Variants in FOCAD observed in about 807,000 individuals in gnomAD.
FOCAD encodes KIAA1797.
Under a neutral mutation model 225.6 loss-of-function variants are expected in FOCAD, and 198 were observed. The ratio of observed to expected loss-of-function variants is 0.88; its 90% confidence interval spans 0.78 to 0.99. The LOEUF (loss-of-function observed/expected upper bound fraction) is 0.99, where lower values mean the gene tolerates loss of function less well. FOCAD is among the 50% of genes least tolerant of loss of function. The pLI is 0.00. For synonymous variants in FOCAD, 897 were observed against 755.0 expected (o/e 1.19, Z -3.08); for missense variants, 2,713 against 2,123.6 (o/e 1.28, Z -5.46).
chr9:20,655,699 C>G (rs1435505949), upstream of FOCAD, among the ~76,000 whole-genome samples: 1 of 152,132 alleles, frequency 6.6e-6, no homozygotes, highest in Non-Finnish European at 1.5e-5. Flanking sequence ...AGCGGTCTAT[C>G]AATTTTGTTG....
chr9:20,769,678 G>C (rs1817989502), intron 7 of FOCAD, among the ~76,000 whole-genome samples: 1 of 152,224 alleles, frequency 6.6e-6, no homozygotes, highest in South Asian at 2.1e-4. Context: ...TTGTAGAAAT[G>C]AGAGTTCATT....
At chr9:20,659,445 A>G (rs1821644600) in intron 2 of FOCAD, among the ~76,000 whole-genome samples, 2 of 148,200 alleles carry the variant, frequency 1.3e-5, no homozygotes, top group South Asian at 2.2e-4. Flanking sequence ...AAAGAAAGAC[A>G]GACAGACAGA....
At chr9:20,984,812 T>A (rs1052117427) in intron 39 of FOCAD, among the ~76,000 whole-genome samples, 1 of 152,174 alleles carries the variant, frequency 6.6e-6, no homozygotes, top group Non-Finnish European at 1.5e-5. Flanking sequence ...TTAAAAAAAA[T>A]ATTTTTTAGA....
At chr9:20,848,680 G>A (rs528707836) in intron 15 of FOCAD, among the ~76,000 whole-genome samples, 2 of 152,020 alleles carry the variant, frequency 1.3e-5, no homozygotes, top group South Asian at 4.1e-4. Flanking sequence ...GTTAACCACG[G>A]TGTATGTATA....
At chr9:20,848,061 T>C (rs1827290500) in intron 15 of FOCAD, among the ~76,000 whole-genome samples, 2 of 152,052 alleles carry the variant, frequency 1.3e-5, no homozygotes, top group African/African-American at 4.8e-5. Context: ...TCTGAAGGTT[T>C]GCCGAAAATC....
intron 29 of FOCAD, 37 bp downstream of exon 29, chr9:20,944,811 C>G (rs960277914): frequency 2.5e-6 from 4 of 1,573,390 alleles, no homozygotes; most frequent in African/African-American, 2.7e-5. Context: ...CCCCTCTGCT[C>G]TCTTTTGTTT....
chr9:20,927,468 A>T (rs982229751), intron 26 of FOCAD, among the ~76,000 whole-genome samples: 1 of 152,056 alleles, frequency 6.6e-6, no homozygotes, highest in African/African-American at 2.4e-5. Flanking sequence ...AATATACTTT[A>T]TGTAAAAAGT....
At chr9:20,793,988 C>T (rs1820807169) in intron 11 of FOCAD, among the ~76,000 whole-genome samples, 1 of 152,210 alleles carries the variant, frequency 6.6e-6, no homozygotes, top group Admixed American at 6.5e-5. Flanking sequence ...GTTGACATGT[C>T]TCATCATTCT....
In FOCAD at chr9:20,781,859, C is replaced by G. The variant is rs758866491; in HGVS notation, c.1127C>G (p.Ser376Cys). Residue 376 changes from serine to cysteine, a missense_variant, in exon 10 of 44, where the codon TCT (serine) becomes TGT (cysteine). Physicochemically the swap from Ser to Cys is moderately radical, Grantham distance 112 (BLOSUM62 -1). Transcript: ENST00000338382. ...ATATCTGTGGATGAAGAAGGTCCCT[C>G]TAGGCAGCAGTTGGCTCTAAACCTT... is the stretch of plus-strand genomic sequence containing the variant. ...DCISVDEEGP[S>C]RQQLALNLLE... 1.2e-6 allele frequency: 2 copies of G among 1,614,096 alleles called. No homozygotes were observed. Among genetic ancestry groups the G allele is most frequent in the Non-Finnish European group, 1.7e-6 (2 of 1,179,982 alleles).
Position 20,731,240 on chromosome 9 carries a change from A to AAACAACAACAACAAC in FOCAD, c.288-8966_288-8952dup, listed in dbSNP as rs146322610. Among the ~76,000 whole-genome samples, 4 of 150,410 alleles carry AAACAACAACAACAAC rather than the reference A, an allele frequency of 2.7e-5. No individual in the cohort carries two copies. In the East Asian group the frequency reaches 5.9e-4, roughly 22 times the overall value. On this transcript the variant is annotated intron_variant, in intron 4 of 43. Coordinates refer to ENST00000338382, the MANE Select transcript of FOCAD (RefSeq NM_001375567.1). ...GTGACACAGCGAGACTTTGTCTCCA[A>AAACAACAACAACAAC]AACAACAACAACAACAACAACAACA... is the stretch of plus-strand genomic sequence containing the variant.
At chr9:20,661,602 C>G (rs1440685580) in intron 2 of FOCAD, among the ~76,000 whole-genome samples, 1 of 152,156 alleles carries the variant, frequency 6.6e-6, no homozygotes, top group African/African-American at 2.4e-5. Context: ...CTCACTATCT[C>G]TCTTCCTACT....
In FOCAD at chr9:20,783,583, A is replaced by AT. The variant is rs11355264; in HGVS notation, c.1197+1669dup. On this transcript the variant is annotated intron_variant, in intron 10 of 43. Coordinates refer to ENST00000338382, the MANE Select transcript of FOCAD (RefSeq NM_001375567.1). ...TGAGTCAAGATTATTTGACTATTGG[A>AT]TTTTTTTTTTTTTTTGAGACGGAGT... 2.2e-3 allele frequency among the ~76,000 whole-genome samples: 319 copies of AT among 143,642 alleles called. 1 individual carries two copies. Among genetic ancestry groups the AT allele is most frequent in the East Asian group, 6.9e-3 (34 of 4,944 alleles). 94.2% of individuals were successfully genotyped at this position (143,642 alleles called of 152,430 possible).
At chr9:20,847,737 C>A (rs1239651412) in intron 15 of FOCAD, among the ~76,000 whole-genome samples, 1 of 151,876 alleles carries the variant, frequency 6.6e-6, no homozygotes, top group African/African-American at 2.4e-5. Flanking sequence ...TTCCAAGTTT[C>A]CCTGTAAAAC....
chr9:20,864,967 A>G (rs1018780693), intron 16 of FOCAD, among the ~76,000 whole-genome samples: 2 of 152,108 alleles, frequency 1.3e-5, no homozygotes, highest in South Asian at 2.1e-4. Flanking sequence ...AGTATCTGCT[A>G]TGTTCTAGGC....
At chr9:20,754,853 G>C (rs1306168470) in intron 5 of FOCAD, among the ~76,000 whole-genome samples, 1 of 152,014 alleles carries the variant, frequency 6.6e-6, no homozygotes, top group Non-Finnish European at 1.5e-5. Context: ...CTCATGCATG[G>C]GCAGTTGTGC....
chr9:20,859,737 T>C (rs1451790331), intron 15 of FOCAD, among the ~76,000 whole-genome samples: 1 of 148,164 alleles, frequency 6.7e-6, no homozygotes, highest in African/African-American at 2.5e-5. Context: ...TAAAAAGAAG[T>C]GAGCACTAAC....
rs761659661 is a variant in FOCAD, at chr9:20,929,385, A to T, written c.3106A>T (p.Ser1036Cys). The T allele has an allele frequency of 3.8e-5, 62 of 1,614,084 alleles. No homozygotes were observed. Among genetic ancestry groups the T allele is most frequent in the Non-Finnish European group, 3.5e-5 (41 of 1,179,986 alleles). Residue 1036 changes from serine to cysteine, a missense_variant, in exon 27 of 44, where the codon AGT becomes TGT. Coordinates refer to ENST00000338382, the MANE Select transcript of FOCAD (RefSeq NM_001375567.1). ...GTCCTATTCTGGTGAAAACACAGCTAGTGCCATTGCCCGTTCTGCTGCCGC... is the reference window on the plus strand; with the variant it reads ...GTCCTATTCTGGTGAAAACACAGCTTGTGCCATTGCCCGTTCTGCTGCCGC... Reference protein sequence around the residue: ...YKSYSGENTASAIARSAAATA... With the variant: ...YKSYSGENTACAIARSAAATA...
intron 11 of FOCAD, among the ~76,000 whole-genome samples, chr9:20,808,554 A>G (rs931956240): frequency 4.6e-5 from 7 of 152,174 alleles, no homozygotes; most frequent in Admixed American, 6.5e-5. Context: ...GGGTGTGAAT[A>G]TTTTCTGTGT....
chr9:20,729,447 G>A (rs1286495189), intron 4 of FOCAD, among the ~76,000 whole-genome samples: 6 of 152,134 alleles, frequency 3.9e-5, no homozygotes, highest in Non-Finnish European at 8.8e-5. Context: ...CACCTAGGAT[G>A]ATCTCATCCC....
Sources: gnomAD v4.1 joint callset for allele counts (sites outside exome capture counted in the v4.1 genomes callset) on GRCh38, gnomAD v4.1.1 for gene constraint, MANE v1.5 for transcripts, NCBI Gene and HGNC (gene_info 2026-07-23, HGNC 2026-07-21) for gene names.